Variants in COL3A1 observed in about 807,000 individuals in gnomAD.
The protein encoded by COL3A1 is collagen alpha-1(III) chain.
In COL3A1, 46 loss-of-function variants were observed where a neutral mutation model predicts 200.9. The observed-to-expected ratio is 0.23, with a 90% CI of 0.18 to 0.29. COL3A1 has a LOEUF of 0.29. Among genes scored for constraint, COL3A1 ranks in the 10% least tolerant of loss-of-function variants. The pLI is 1.00. For missense variants in COL3A1, 1,367 were observed against 1,917.6 expected (o/e 0.71, Z 5.36); for synonymous variants, 650 against 628.0 (o/e 1.03, Z -0.52).
In COL3A1 at chr2:188,990,323, C is replaced by T; in HGVS notation, c.761C>T (p.Ala254Val). 1 of 1,613,096 alleles carries T rather than the reference C, an allele frequency of 6.2e-7. No individual in the cohort carries two copies. Among genetic ancestry groups the T allele is most frequent in the Non-Finnish European group, 8.5e-7 (1 of 1,179,378 alleles). ...TATTTTTAGGGTATCAAAGGTCCAG[C>T]TGGGATACCTGGATTCCCTGGTATG... is the stretch of plus-strand genomic sequence containing the variant. ...LPGPPGIKGP[A>V]GIPGFPGMKG... The change falls in exon 10 of 51, where the codon GCT becomes GTT. Residue 254 changes from alanine to valine, a missense_variant. By Grantham distance (64) the Ala-to-Val change is moderately conservative. Transcript: ENST00000304636.
chr2:189,003,955 A>G, intron 38 of COL3A1, 27 bp from the exon 39 acceptor site: 4 of 1,582,010 alleles, frequency 2.5e-6, no homozygotes, highest in Non-Finnish European at 3.4e-6. Context: ...TATTATAAAT[A>G]TTCAAATTTC....
chr2:188,977,344 G>C (rs1316070596), intron 1 of COL3A1, among the ~76,000 whole-genome samples: 1 of 152,030 alleles, frequency 6.6e-6, no homozygotes, highest in African/African-American at 2.4e-5. Flanking sequence ...TAAACTGTAG[G>C]CCTCTAGTTG....
In COL3A1 at chr2:189,005,419, C is replaced by G. The variant is rs777180110; in HGVS notation, c.3001C>G (p.Pro1001Ala). The G allele has an allele frequency of 8.1e-6, 13 of 1,614,046 alleles. No homozygotes were observed. Among genetic ancestry groups the G allele is most frequent in the Admixed American group, 3.3e-5 (2 of 60,018 alleles). The change falls in exon 41 of 51, where the codon CCT (proline) becomes GCT (alanine). Residue 1001 changes from proline to alanine, a missense_variant. Pro to Ala is a conservative substitution (Grantham distance 27). Around this residue, in one of 5 missense-constraint regions of COL3A1, gnomAD observed 846 missense variants for 1,147.9 expected, o/e 0.74. Transcript: ENST00000304636. ...ERGPPGPQGLPGLAGTAGEPG... is the reference protein window; with the variant it reads ...ERGPPGPQGLAGLAGTAGEPG... ...TGGTCCCCCTGGACCCCAGGGTCTT[C>G]CTGGTCTGGCTGGTACAGCTGGTGA... is the stretch of plus-strand genomic sequence containing the variant.
rs780134152 is a variant in COL3A1, at chr2:189,004,075, G to T, written c.2755G>T (p.Val919Leu). ...CACTGGTGCTCCTGGCAGCCCTGGA[G>T]TGTCTGGACCAAAAGGTGATGCTGG... ...GNTGAPGSPG[V>L]SGPKGDAGQP... Residue 919 changes from valine (V) to leucine (L), a missense_variant, in exon 39 of 51, where the codon GTG becomes TTG. Coordinates refer to ENST00000304636, the MANE Select transcript of COL3A1 (RefSeq NM_000090.4). 6.2e-7 allele frequency: 1 copy of T among 1,613,554 alleles called. No individual in the cohort carries two copies. Among genetic ancestry groups the T allele is most frequent in the Admixed American group, 1.7e-5 (1 of 60,026 alleles).
At chr2:188,991,104 A>G in intron 11 of COL3A1, 47 bp downstream of exon 11, 1 of 1,568,432 alleles carries the variant, frequency 6.4e-7, no homozygotes, top group Non-Finnish European at 8.8e-7. Flanking sequence ...TTCATTAAAT[A>G]TTAAAGCTAC....
Position 188,994,576 on chromosome 2 carries a change from C to T in COL3A1, c.1329C>T (p.Pro443=), listed in dbSNP as rs527291598. 10 of 1,614,050 alleles carry T rather than the reference C, an allele frequency of 6.2e-6. No homozygotes were observed. The highest frequency in any genetic ancestry group is 2.7e-5 in the African/African-American group (2 of 74,992). Residue 443 remains proline, a synonymous_variant, in exon 19 of 51, where the codon CCC becomes CCT. Transcript: ENST00000304636. The surrounding 1 kb of genome is among the most constrained non-coding windows in gnomAD (Gnocchi z 4.5). ...EPGKNGAKGE[P]GPRGERGEAG... ...GTAAGAATGGTGCCAAAGGAGAGCCCGGACCACGTGGTGAACGCGTAAGTT... is the reference window on the plus strand; with the variant it reads ...GTAAGAATGGTGCCAAAGGAGAGCCTGGACCACGTGGTGAACGCGTAAGTT...
Position 188,985,672 on chromosome 2 carries a change from C to A in COL3A1, c.341C>A (p.Pro114His). 2 of 1,607,994 alleles carry A rather than the reference C, an allele frequency of 1.2e-6. No individual in the cohort carries two copies. ...TTTTTATCTCTTTTTTAGGGCCCTC[C>A]TGGTATTCCTGGGAGAAATGGTGAC... ...PQGPKGDPGP[P>H]GIPGRNGDPG... Residue 114 changes from proline (P) to histidine (H), a missense_variant, in exon 4 of 51, where the codon CCT (proline) becomes CAT (histidine). Around this residue, in one of 5 missense-constraint regions of COL3A1, gnomAD observed 462 missense variants for 681.4 expected, o/e 0.68. Coordinates refer to ENST00000304636, the MANE Select transcript of COL3A1 (RefSeq NM_000090.4).
At chr2:188,991,436 A>G (rs1688185962) in intron 11 of COL3A1, 51 bp from the exon 12 acceptor site, 1 of 1,188,946 alleles carries the variant, frequency 8.4e-7, no homozygotes, top group Middle Eastern at 2.8e-4. Context: ...AAAAATATAT[A>G]ATATTTTCTT....
chr2:189,003,034 C>T lies in COL3A1; in HGVS notation c.2525C>T (p.Ala842Val), dbSNP rs1688502279. The change falls in exon 36 of 51, where the codon GCA becomes GTA. Residue 842 changes from alanine to valine, a missense_variant. Coordinates refer to ENST00000304636, the MANE Select transcript of COL3A1 (RefSeq NM_000090.4). ...EKGEGGPPGV[A>V]GPPGGSGPAG... ...GGTGAAGGAGGCCCTCCTGGAGTTG[C>T]AGGACCCCCTGGAGGTTCTGGACCT... is the stretch of plus-strand genomic sequence containing the variant. 3.2e-6 allele frequency: 5 copies of T among 1,551,456 alleles called. No individual in the cohort carries two copies. The highest frequency in any genetic ancestry group is 4.4e-6 in the Non-Finnish European group (5 of 1,146,894).
chr2:188,981,279 CAT>C (rs1687947242), intron 1 of COL3A1, among the ~76,000 whole-genome samples: 1 of 151,468 alleles, frequency 6.6e-6, no homozygotes, highest in African/African-American at 2.4e-5. Context: ...TGGTTTAAGA[CAT>C]GTGTTAGCTT....
At chr2:188,986,557 ATT>A (rs1688068985) in intron 4 of COL3A1, among the ~76,000 whole-genome samples, 1 of 151,958 alleles carries the variant, frequency 6.6e-6, no homozygotes, top group South Asian at 2.1e-4. Context: ...TTTTTGGTTT[ATT>A]TTCTATGGAG....
chr2:188,974,409 G>T lies in COL3A1; in HGVS notation c.-81G>T. 1 of 1,054,198 alleles carries T rather than the reference G, an allele frequency of 9.5e-7. No homozygotes were observed. The allele number at this position is 1,054,198 out of a possible 1,614,324, so 65.3% of individuals were successfully genotyped here. On this transcript the variant is annotated 5_prime_UTR_variant, in exon 1 of 51. In the 5' UTR this introduces an upstream ATG that the reference lacks. Transcript: ENST00000304636. ...ATGACGGGCCCGGTGCTGAAGGGCA[G>T]GGAACAACTTGATGGTGCTACTTTG...
chr2:189,008,871 AGAGTGGCGACT>A, intron 47 of COL3A1, 42 bp from the exon 48 acceptor site: 1 of 1,548,180 alleles, frequency 6.5e-7, no homozygotes, highest in Non-Finnish European at 8.9e-7. Flanking sequence ...ATGTATTCTT[AGAGTGGCGACT>A]GAATGTGCAT....
In COL3A1 at chr2:188,999,328, C is replaced by A. The variant is rs2153502998; in HGVS notation, c.2066C>A (p.Ala689Glu). ...APGERGPPGL[A>E]GAPGLRGGAG... is the part of the protein sequence containing the mutation. Reference sequence around the variant, plus strand: ...GGTGAACGTGGACCTCCTGGATTGGCAGGGGCCCCAGGACTTAGAGGTGGA... The same window carrying A: ...GGTGAACGTGGACCTCCTGGATTGGAAGGGGCCCCAGGACTTAGAGGTGGA... Residue 689 changes from alanine to glutamate, a missense_variant, in exon 30 of 51, where the codon GCA becomes GAA. This residue lies in a region of COL3A1 where 846 missense variants were observed against 1,147.9 expected (regional missense o/e 0.74). Coordinates refer to ENST00000304636, the MANE Select transcript of COL3A1 (RefSeq NM_000090.4). The A allele has an allele frequency of 6.3e-7, 1 of 1,590,238 alleles. No individual in the cohort carries two copies. Among genetic ancestry groups the A allele is most frequent in the Non-Finnish European group, 8.6e-7 (1 of 1,167,874 alleles).
intron 48 of COL3A1, 72 bp downstream of exon 48, chr2:189,009,293 G>GA: frequency 6.5e-7 from 1 of 1,543,546 alleles, no homozygotes. Context: ...GAATGGGAAC[G>GA]AAAAAACATC....
chr2:189,005,312 A>C (rs749631317), intron 40 of COL3A1, 38 bp from the exon 41 acceptor site: 10 of 1,538,398 alleles, frequency 6.5e-6, no homozygotes, highest in Non-Finnish European at 9.0e-6. Flanking sequence ...TTGATTTCTT[A>C]AGTTGAAACA....
intron 7 of COL3A1, 83 bp from the exon 8 acceptor site, chr2:188,989,313 T>A: frequency 1.0e-6 from 1 of 1,002,314 alleles, no homozygotes. Flanking sequence ...GGAGGTTCCT[T>A]CCAGGAATAC....
intron 5 of COL3A1, among the ~76,000 whole-genome samples, chr2:188,987,846 C>A (rs749226417): frequency 6.6e-6 from 1 of 151,954 alleles, no homozygotes; most frequent in Non-Finnish European, 1.5e-5. Flanking sequence ...GAGTTCAGGA[C>A]AACATTTTAT....
Position 188,990,475 on chromosome 2 carries a change from T to G in COL3A1, c.798+115T>G, listed in dbSNP as rs1688164043. ...AAATATGATTCTGACAATTAATTAA[T>G]TTGATATTTTTAAGTCTACTAAGTT... On this transcript the variant is annotated intron_variant, in intron 10 of 50. Transcript: ENST00000304636. 5.5e-6 allele frequency: 5 copies of G among 914,010 alleles called. No individual in the cohort carries two copies. In the Admixed American group the frequency reaches 1.1e-4, roughly 19 times the overall value. The allele number at this position is 914,010 out of a possible 1,614,324, so 56.6% of individuals were successfully genotyped here. A position where few individuals can be genotyped will look rare whatever the true frequency, so the allele number is the denominator to read the frequency against.
Sources: allele counts gnomAD v4.1 joint callset (sites outside exome capture counted in the v4.1 genomes callset), GRCh38; gene constraint gnomAD v4.1.1; regional missense constraint gnomAD v4.1.1; non-coding constraint Gnocchi (gnomAD v3.1); transcripts MANE v1.5; gene names NCBI Gene and HGNC (gene_info 2026-07-23, HGNC 2026-07-21).